CDC123: variants seen among roughly 807,000 people sequenced by gnomAD.
The protein encoded by CDC123 is translation initiation factor eIF2 assembly protein.
Under a neutral mutation model 54.4 loss-of-function variants are expected in CDC123, and 37 were observed. That is an observed-to-expected ratio of 0.68 (90% CI 0.52 to 0.89). The LOEUF (loss-of-function observed/expected upper bound fraction) is 0.89. CDC123 is among the 40% of genes least tolerant of loss of function. The pLI, the probability that CDC123 is intolerant of heterozygous loss-of-function variation, is 0.00. For missense variants in CDC123, 361 were observed against 412.1 expected (o/e 0.88, Z 1.07); for synonymous variants, 144 against 136.8 (o/e 1.05, Z -0.37).
At chr10:12,203,940 G>A (rs968016691) in intron 2 of CDC123, among the ~76,000 whole-genome samples, 2 of 151,794 alleles carry the variant, frequency 1.3e-5, no homozygotes, top group African/African-American at 4.8e-5. Context: ...AAAAAAATAA[G>A]AAATTAGCTG....
intron 6 of CDC123, among the ~76,000 whole-genome samples, chr10:12,226,913 GGTGGAGGTTGTA>G (rs1182131025): frequency 6.6e-6 from 1 of 151,840 alleles, no homozygotes; most frequent in African/African-American, 2.4e-5. Context: ...GCGGCTGGGA[GGTGGAGGTTGTA>G]GCGAGCCGAG....
intron 4 of CDC123, among the ~76,000 whole-genome samples, chr10:12,210,528 T>C (rs1256497134): frequency 6.6e-6 from 1 of 152,190 alleles, no homozygotes; most frequent in Middle Eastern, 3.2e-3. Flanking sequence ...TTCCCTTTGA[T>C]TGCAAAGGAA....
At chr10:12,216,412 ATTC>A (rs1419730732) in intron 5 of CDC123, among the ~76,000 whole-genome samples, 1 of 152,196 alleles carries the variant, frequency 6.6e-6, no homozygotes, top group African/African-American at 2.4e-5. Flanking sequence ...TGCCTTTTTT[ATTC>A]TAAAATGAAT....
At chr10:12,197,379 A>G (rs185806259) in intron 1 of CDC123, among the ~76,000 whole-genome samples, 74 of 96,640 alleles carry the variant, frequency 7.7e-4, no homozygotes, top group Admixed American at 2.2e-3. Context: ...CTGAAGAACT[A>G]GATTTTTTTT....
At chr10:12,231,992 T>G (rs931963798) in intron 7 of CDC123, among the ~76,000 whole-genome samples, 1 of 152,072 alleles carries the variant, frequency 6.6e-6, no homozygotes, top group African/African-American at 2.4e-5. Context: ...ATTACAGGTG[T>G]GCACAACCAC....
At chr10:12,225,539 G>C (rs1002858341) in intron 6 of CDC123, among the ~76,000 whole-genome samples, 1 of 152,100 alleles carries the variant, frequency 6.6e-6, no homozygotes, top group African/African-American at 2.4e-5. Flanking sequence ...TAGAAGCTCT[G>C]ACACACCCTG....
chr10:12,218,196 T>C (rs564403050), intron 6 of CDC123, among the ~76,000 whole-genome samples: 1 of 151,990 alleles, frequency 6.6e-6, no homozygotes, highest in East Asian at 1.9e-4. Flanking sequence ...TATCTCTACC[T>C]ATATACAGAT....
At chr10:12,246,016 G>A in intron 10 of CDC123, 133 bp from the exon 11 acceptor site, 1 of 913,638 alleles carries the variant, frequency 1.1e-6, no homozygotes, top group Non-Finnish European at 1.7e-6. Flanking sequence ...GCTGCAGTGA[G>A]CCGTGATCAC....
At chr10:12,217,502 C>T (rs758468869) in intron 6 of CDC123, 35 bp downstream of exon 6, 1 of 1,599,994 alleles carries the variant, frequency 6.3e-7, no homozygotes. Flanking sequence ...TCAATAGTTT[C>T]AGTATTTGTG....
At chr10:12,210,164 A>C in intron 3 of CDC123, 126 bp from the exon 4 acceptor site, 1 of 1,439,898 alleles carries the variant, frequency 6.9e-7, no homozygotes, top group Non-Finnish European at 9.5e-7. Context: ...ATATATTTTC[A>C]CATATGCTGT....
At chr10:12,229,206 G>C (rs150769932) in intron 6 of CDC123, among the ~76,000 whole-genome samples, 19 of 152,322 alleles carry the variant, frequency 1.2e-4, no homozygotes, top group Middle Eastern at 3.4e-3. Context: ...TTGTGCCATA[G>C]TGATATAGAT....
chr10:12,249,231 G>C (rs1218483791), intron 11 of CDC123, among the ~76,000 whole-genome samples: 1 of 151,744 alleles, frequency 6.6e-6, no homozygotes, highest in Non-Finnish European at 1.5e-5. Flanking sequence ...CAGCTCAGGA[G>C]TTCAAGACCA....
In CDC123 at chr10:12,227,040, G is replaced by A. The variant is rs369678280; in HGVS notation, c.441-3908G>A. 4.5e-4 allele frequency among the ~76,000 whole-genome samples: 69 copies of A among 152,288 alleles called. No homozygotes were observed. In the East Asian group the frequency reaches 6.4e-3, roughly 14 times the overall value. ...AGGCCGAGGCTAGCAGATCACTCGC[G>A]GTTAGGAGCTGGAGACCAGCCCCAC... On this transcript the variant is annotated intron_variant, in intron 6 of 12. Transcript: ENST00000281141.
At chr10:12,201,928 A>ACAGGAAT (rs1835445549) in intron 2 of CDC123, among the ~76,000 whole-genome samples, 1 of 152,178 alleles carries the variant, frequency 6.6e-6, no homozygotes, top group Non-Finnish European at 1.5e-5. Flanking sequence ...GAACTTGATG[A>ACAGGAAT]CAGGAATGTG....
intron 10 of CDC123, among the ~76,000 whole-genome samples, chr10:12,242,660 G>T (rs1272614802): frequency 6.6e-6 from 1 of 152,146 alleles, no homozygotes; most frequent in African/African-American, 2.4e-5. Context: ...AACATGTTAT[G>T]GCCGGGCGTG....
intron 2 of CDC123, among the ~76,000 whole-genome samples, chr10:12,206,960 A>C (rs1161973221): frequency 1.5e-5 from 1 of 65,738 alleles, no homozygotes; most frequent in East Asian, 8.7e-4. Flanking sequence ...CTCCATCTCA[A>C]AAAAAAAAAA....
chr10:12,203,903 G>A (rs771369524), intron 2 of CDC123, among the ~76,000 whole-genome samples: 26 of 152,042 alleles, frequency 1.7e-4, no homozygotes, highest in Non-Finnish European at 3.1e-4. Context: ...GACCAGTCTG[G>A]CCAACATAGT....
intron 11 of CDC123, among the ~76,000 whole-genome samples, chr10:12,248,925 C>G (rs980254823): frequency 1.3e-5 from 2 of 152,072 alleles, no homozygotes; most frequent in Non-Finnish European, 2.9e-5. Flanking sequence ...GCCTGGCCAA[C>G]ATAGTGAAAT....
chr10:12,231,749 A>C (rs1403772789), intron 7 of CDC123, among the ~76,000 whole-genome samples: 2 of 152,164 alleles, frequency 1.3e-5, no homozygotes, highest in East Asian at 3.8e-4. Flanking sequence ...GAAAGTATAC[A>C]CACAACACAC....
Sources: allele counts gnomAD v4.1 joint callset (sites outside exome capture counted in the v4.1 genomes callset), GRCh38; gene constraint gnomAD v4.1.1; transcripts MANE v1.5; gene names NCBI Gene and HGNC (gene_info 2026-07-23, HGNC 2026-07-21).